The following TMEM255A variants were observed in gnomAD, a reference collection of about 807,000 sequenced individuals.
TMEM255A encodes transmembrane protein 255A.
A neutral mutation model predicts 23.5 loss-of-function variants in TMEM255A; 14 were observed. The observed-to-expected ratio is 0.60, with a 90% CI of 0.39 to 0.93. TMEM255A has a LOEUF of 0.93. Among genes scored for constraint, TMEM255A ranks in the 40% least tolerant of loss-of-function variants. The pLI is 0.00. For missense variants in TMEM255A, 233 were observed against 261.7 expected (o/e 0.89, Z 0.76); for synonymous variants, 104 against 100.3 (o/e 1.04, Z -0.22).
chrX:120,260,620 G>A lies in TMEM255A; in HGVS notation c.*250C>T, dbSNP rs782654316. 1.5e-5 allele frequency: 5 copies of A among 333,065 alleles called. No homozygotes were observed. The highest frequency in any genetic ancestry group is 1.4e-4 in the African/African-American group (5 of 36,548). 27.4% of individuals were successfully genotyped at this position (333,065 alleles called of 1,213,427 possible). A position where few individuals can be genotyped will look rare whatever the true frequency, so the allele number is the denominator to read the frequency against. ...CATAGGGTAATGCAAGTCCAAACAA[G>A]CTTCTTGCTGGGCTGGCTCCCCAGT... On this transcript the variant is annotated 3_prime_UTR_variant, in exon 9 of 9. Coordinates refer to ENST00000371369, the MANE Select transcript of TMEM255A (RefSeq NM_001104544.3).
At chrX:120,301,580 C>A (rs1556026011) in intron 2 of TMEM255A, among the ~76,000 whole-genome samples, 1 of 110,979 alleles carries the variant, frequency 9.0e-6, no homozygotes, top group Admixed American at 9.6e-5. Context: ...AGACTCCCCC[C>A]ACCCCCCACG....
rs1177085408 is a variant in TMEM255A, at chrX:120,258,676, T to C, written c.*2194A>G. Reference sequence around the variant, plus strand: ...AACGAGGGGAGGATAGTTTTATTCATTTGAAACATCACAAAAGCAGTCTGA... The same window carrying C: ...AACGAGGGGAGGATAGTTTTATTCACTTGAAACATCACAAAAGCAGTCTGA... On this transcript the variant is annotated 3_prime_UTR_variant, in exon 9 of 9. Transcript: ENST00000371369. 8.9e-6 allele frequency: 1 copy of C among 112,578 alleles called. No individual in the cohort carries two copies. The highest frequency in any genetic ancestry group is 1.9e-5 in the Non-Finnish European group (1 of 53,311). 9.3% of individuals were successfully genotyped at this position (112,578 alleles called of 1,213,427 possible).
chrX:120,305,631 G>C lies in TMEM255A; in HGVS notation c.59-1140C>G, dbSNP rs781960332. 1.1e-4 allele frequency among the ~76,000 whole-genome samples: 12 copies of C among 106,534 alleles called. No individual in the cohort carries two copies. The South Asian group carries it at 5.5e-3, about 49-fold the overall frequency. The allele number at this position is 106,534 out of a possible 115,157, so 92.5% of individuals were successfully genotyped here. On this transcript the variant is annotated intron_variant, in intron 1 of 8. Coordinates refer to ENST00000371369, the MANE Select transcript of TMEM255A (RefSeq NM_001104544.3). ...GACCTCACTGCAGCCTCAGGAAGCA[G>C]TTGTTGAGAGAAGCCATGCAGACTG...
intron 6 of TMEM255A, among the ~76,000 whole-genome samples, chrX:120,280,213 C>T (rs187473021): frequency 5.5e-5 from 6 of 108,211 alleles, no homozygotes; most frequent in Non-Finnish European, 1.1e-4. Context: ...AGGCTGGCCT[C>T]GAACTCCTAG....
chrX:120,308,330 T>C (rs1187318559), intron 1 of TMEM255A, among the ~76,000 whole-genome samples: 1 of 112,048 alleles, frequency 8.9e-6, no homozygotes, highest in Non-Finnish European at 1.9e-5. Context: ...CACACGTTCT[T>C]GATTATCCTC....
intron 2 of TMEM255A, among the ~76,000 whole-genome samples, chrX:120,294,532 C>T (rs183003542): frequency 8.9e-6 from 1 of 111,781 alleles, no homozygotes; most frequent in Admixed American, 9.5e-5. Flanking sequence ...CACCATTTGC[C>T]AGTTTTCCCT....
chrX:120,272,740 A>ATTT lies in TMEM255A; in HGVS notation c.675+4142_675+4144dup, dbSNP rs781928518. ...TTTATAAATTACCCAGTCTTGGGCTATTTTTTTTTTTTTTTTTTTGAGACG... is the reference window on the plus strand; with the variant it reads ...TTTATAAATTACCCAGTCTTGGGCTATTTTTTTTTTTTTTTTTTTTTTGAGACG... On this transcript the variant is annotated intron_variant, in intron 7 of 8. Transcript: ENST00000371369. Among the ~76,000 whole-genome samples the ATTT allele has an allele frequency of 1.3e-3, 106 of 80,973 alleles. 3 individuals carry two copies. Among genetic ancestry groups the ATTT allele is most frequent in the African/African-American group, 3.9e-3 (79 of 20,317 alleles). The allele number at this position is 80,973 out of a possible 115,157, so 70.3% of individuals were successfully genotyped here.
At chrX:120,293,174 T>C (rs1274658640) in intron 3 of TMEM255A, among the ~76,000 whole-genome samples, 1 of 112,788 alleles carries the variant, frequency 8.9e-6, no homozygotes, top group Non-Finnish European at 1.9e-5. Context: ...TTGTCAAAGT[T>C]TCAGTGCCAC....
chrX:120,296,440 C>T (rs201357259), intron 2 of TMEM255A, among the ~76,000 whole-genome samples: 87 of 26,007 alleles, frequency 3.3e-3, no homozygotes, highest in African/African-American at 9.8e-3. Flanking sequence ...TTCTATTCCA[C>T]TCCAATGCAT....
downstream of TMEM255A, chrX:120,255,706 T>G (rs1484679734): frequency 3.6e-6 from 1 of 281,666 alleles, no homozygotes; most frequent in African/African-American, 2.8e-5. Context: ...GATAGTTTCC[T>G]GAATAGAATT....
intron 4 of TMEM255A, among the ~76,000 whole-genome samples, chrX:120,290,631 G>C (rs1556022724): frequency 8.9e-6 from 1 of 112,123 alleles, no homozygotes; most frequent in Non-Finnish European, 1.9e-5. Context: ...TTACTGATGT[G>C]TCATTTGCTT....
chrX:120,286,035 C>T (rs1556021781), intron 5 of TMEM255A: 2 of 594,163 alleles, frequency 3.4e-6, no homozygotes, highest in African/African-American at 2.3e-5. Context: ...ATGCTTACTG[C>T]CTTTCAGATA....
In TMEM255A at chrX:120,296,867, AT is replaced by A. The variant is rs1556024518; in HGVS notation, c.202-2817del. ...ATATATCATATATAATATATAATAT[AT>A]TATATATCATATATATTATATATGA... On this transcript the variant is annotated intron_variant, in intron 2 of 8. Transcript: ENST00000371369. 6.8e-3 allele frequency among the ~76,000 whole-genome samples: 78 copies of A among 11,499 alleles called. 15 individuals carry two copies. The highest frequency in any genetic ancestry group is 0.013 in the South Asian group (1 of 75). 10.0% of individuals were successfully genotyped at this position (11,499 alleles called of 115,157 possible).
At chrX:120,285,945 CTGCTAAATTTGTCTTGCTTTGTTA>C in intron 5 of TMEM255A, 4 of 1,150,765 alleles carry the variant, frequency 3.5e-6, no homozygotes, top group Non-Finnish European at 4.7e-6. Flanking sequence ...CAATGAAGTG[CTGCTAAATTTGTCTTGCTTTGTTA>C]TAGAGAATAT....
chrX:120,263,461 C>G (rs993871753), intron 8 of TMEM255A, among the ~76,000 whole-genome samples: 1 of 111,768 alleles, frequency 8.9e-6, no homozygotes, highest in Non-Finnish European at 1.9e-5. Flanking sequence ...GATGGCTTTC[C>G]TCTTCCACCT....
intron 1 of TMEM255A, among the ~76,000 whole-genome samples, chrX:120,309,465 A>C (rs1281263581): frequency 1.3e-4 from 15 of 112,421 alleles, no homozygotes; most frequent in Admixed American, 4.6e-4. Flanking sequence ...CAACCAGCCC[A>C]CTCCCCGAAG....
At chrX:120,301,203 G>T (rs1424560268) in intron 2 of TMEM255A, among the ~76,000 whole-genome samples, 1 of 111,742 alleles carries the variant, frequency 8.9e-6, no homozygotes, top group African/African-American at 3.3e-5. Context: ...AAATAAAGAT[G>T]CTCCCAAAAA....
rs781870293 is a variant in TMEM255A, at chrX:120,260,607, C to A, written c.*263G>T. Reference sequence around the variant, plus strand: ...TACAGAGGTGGAGCATAGGGTAATGCAAGTCCAAACAAGCTTCTTGCTGGG... The same window carrying A: ...TACAGAGGTGGAGCATAGGGTAATGAAAGTCCAAACAAGCTTCTTGCTGGG... On this transcript the variant is annotated 3_prime_UTR_variant, in exon 9 of 9. Transcript: ENST00000371369. 4.3e-4 allele frequency: 136 copies of A among 316,057 alleles called. No homozygotes were observed. Among genetic ancestry groups the A allele is most frequent in the Middle Eastern group, 2.6e-3 (3 of 1,169 alleles). The allele number at this position is 316,057 out of a possible 1,213,427, so 26.0% of individuals were successfully genotyped here. A position where few individuals can be genotyped will look rare whatever the true frequency, so the allele number is the denominator to read the frequency against.
intron 6 of TMEM255A, among the ~76,000 whole-genome samples, chrX:120,281,157 G>A (rs1482279690): frequency 2.7e-5 from 3 of 112,194 alleles, no homozygotes; most frequent in East Asian, 2.8e-4. Context: ...GGCGAGGGTC[G>A]TCTCTTAACA....
Sources: gnomAD v4.1 joint callset for allele counts (sites outside exome capture counted in the v4.1 genomes callset) on GRCh38, gnomAD v4.1.1 for gene constraint, MANE v1.5 for transcripts, NCBI Gene and HGNC (gene_info 2026-07-23, HGNC 2026-07-21) for gene names.